Variants in TBC1D8B observed in about 807,000 individuals in gnomAD.
The protein encoded by TBC1D8B is TBC1 domain family member 8B.
In TBC1D8B, 75 loss-of-function variants were observed where a neutral mutation model predicts 82.9. That is an observed-to-expected ratio of 0.90 (90% CI 0.75 to 1.10). The LOEUF is 1.10. TBC1D8B is among the 50% of genes least tolerant of loss of function. The pLI is 0.00. For synonymous variants in TBC1D8B, 276 were observed against 276.8 expected (o/e 1.00, Z 0.03); for missense variants, 794 against 796.9 (o/e 1.00, Z 0.04).
chrX:106,830,946 A>G (rs1046566186), intron 7 of TBC1D8B, among the ~76,000 whole-genome samples: 7 of 104,013 alleles, frequency 6.7e-5, no homozygotes, highest in African/African-American at 1.1e-4. Flanking sequence ...AAAGTATAAT[A>G]ATAATAAATA....
At chrX:106,823,603 T>G (rs1454670093) in intron 5 of TBC1D8B, 137 bp downstream of exon 5, 1 of 649,501 alleles carries the variant, frequency 1.5e-6, no homozygotes, top group African/African-American at 2.2e-5. Context: ...GGTGTGTGTG[T>G]GTTTTGTGAG....
At chrX:106,819,076 T>G (rs1388143439) in intron 2 of TBC1D8B, among the ~76,000 whole-genome samples, 1 of 110,050 alleles carries the variant, frequency 9.1e-6, no homozygotes, top group Admixed American at 9.8e-5. Context: ...TTTATCCAAC[T>G]GCTGGGAAGA....
chrX:106,838,964 T>C (rs1417547659), intron 7 of TBC1D8B, among the ~76,000 whole-genome samples: 1 of 111,908 alleles, frequency 8.9e-6, no homozygotes, highest in African/African-American at 3.2e-5. Flanking sequence ...CACAGACTCT[T>C]CTGGTCTTAC....
At chrX:106,821,061 A>C (rs969668309) in intron 3 of TBC1D8B, 66 bp downstream of exon 3, 2 of 592,778 alleles carry the variant, frequency 3.4e-6, no homozygotes, top group African/African-American at 4.7e-5. Context: ...TATGAGGATC[A>C]AAGTTTGCAT....
intron 11 of TBC1D8B, chrX:106,849,536 G>A (rs1932542429): frequency 1.3e-5 from 13 of 965,513 alleles, no homozygotes; most frequent in Non-Finnish European, 1.7e-5. Flanking sequence ...TCATCAGAGG[G>A]ATCAGTGCTT....
chrX:106,834,662 C>A lies in TBC1D8B; in HGVS notation c.1204-4646C>A, dbSNP rs182755400. Among the ~76,000 whole-genome samples the A allele has an allele frequency of 4.5e-5, 5 of 112,256 alleles. 1 individual carries two copies. In the Admixed American group the frequency reaches 4.7e-4, roughly 11 times the overall value. ...AAGCAAGTTAGTTACTTCCTAGAGA[C>A]AATGGGGGTACAGGCATTGGATAAA... On this transcript the variant is annotated intron_variant, in intron 7 of 20. Coordinates refer to ENST00000357242, the MANE Select transcript of TBC1D8B (RefSeq NM_017752.3).
At chrX:106,838,310 T>A (rs1382802363) in intron 7 of TBC1D8B, among the ~76,000 whole-genome samples, 3 of 111,715 alleles carry the variant, frequency 2.7e-5, no homozygotes, top group Non-Finnish European at 5.7e-5. Flanking sequence ...CTGACTTCCT[T>A]GGATCACCCC....
At chrX:106,813,212 A>C (rs1412815126) in intron 1 of TBC1D8B, among the ~76,000 whole-genome samples, 1 of 111,914 alleles carries the variant, frequency 8.9e-6, no homozygotes, top group East Asian at 2.8e-4. Flanking sequence ...GGATGAAATG[A>C]TACAATGTCT....
intron 7 of TBC1D8B, among the ~76,000 whole-genome samples, chrX:106,835,850 A>G (rs1932164191): frequency 8.9e-6 from 1 of 111,835 alleles, no homozygotes. Flanking sequence ...CAACAAGTCT[A>G]TAGAAGTCCA....
At chrX:106,812,054 G>GA (rs1931394526) in intron 1 of TBC1D8B, among the ~76,000 whole-genome samples, 1 of 111,431 alleles carries the variant, frequency 9.0e-6, no homozygotes, top group African/African-American at 3.3e-5. Flanking sequence ...CAGGGAGAGA[G>GA]AAAACAGGAC....
chrX:106,859,650 GT>G (rs1217612676), intron 14 of TBC1D8B, among the ~76,000 whole-genome samples: 1 of 111,730 alleles, frequency 9.0e-6, no homozygotes, highest in Non-Finnish European at 1.9e-5. Flanking sequence ...AATAGAAATA[GT>G]TTGACTTCCT....
At chrX:106,853,695 A>C in intron 13 of TBC1D8B, 45 bp downstream of exon 13, 1 of 1,108,557 alleles carries the variant, frequency 9.0e-7, no homozygotes, top group Non-Finnish European at 1.2e-6. Flanking sequence ...CATATTTAAA[A>C]TGATTGAACT....
chrX:106,832,311 A>T (rs907854030), intron 7 of TBC1D8B, among the ~76,000 whole-genome samples: 3 of 111,798 alleles, frequency 2.7e-5, no homozygotes, highest in African/African-American at 9.7e-5. Flanking sequence ...ATATATTTAA[A>T]TGTTCCACAT....
intron 5 of TBC1D8B, among the ~76,000 whole-genome samples, chrX:106,824,841 TA>T (rs1931794178): frequency 8.9e-6 from 1 of 111,881 alleles, no homozygotes; most frequent in Admixed American, 9.5e-5. Flanking sequence ...GGCTTTTTTA[TA>T]AAATGGAATA....
At chrX:106,849,066 C>T (rs971288932) in intron 11 of TBC1D8B, among the ~76,000 whole-genome samples, 2 of 108,802 alleles carry the variant, frequency 1.8e-5, no homozygotes, top group African/African-American at 3.3e-5. Flanking sequence ...TGTGAGCCAC[C>T]GCGCCTGGCC....
intron 19 of TBC1D8B, among the ~76,000 whole-genome samples, chrX:106,870,451 C>A (rs1340273956): frequency 8.9e-6 from 1 of 111,885 alleles, no homozygotes; most frequent in Non-Finnish European, 1.9e-5. Flanking sequence ...TTGTTTTAAT[C>A]TAAATATGTC....
At chrX:106,837,246 G>A (rs1038650588) in intron 7 of TBC1D8B, among the ~76,000 whole-genome samples, 3 of 111,803 alleles carry the variant, frequency 2.7e-5, no homozygotes, top group African/African-American at 6.5e-5. Context: ...CATCAAGAAA[G>A]TGAAAAGACA....
At chrX:106,849,575 G>A in intron 11 of TBC1D8B, 1 of 918,843 alleles carries the variant, frequency 1.1e-6, no homozygotes, top group East Asian at 4.8e-5. Context: ...GTCTGAAAGT[G>A]TGACTCTCAT....
intron 1 of TBC1D8B, among the ~76,000 whole-genome samples, chrX:106,803,568 A>G (rs182648583): frequency 2.3e-4 from 26 of 111,292 alleles, no homozygotes; most frequent in African/African-American, 7.8e-4. Context: ...CCAATTTAGC[A>G]TCTTTTACTT....
Sources: allele counts gnomAD v4.1 joint callset (sites outside exome capture counted in the v4.1 genomes callset), GRCh38; gene constraint gnomAD v4.1.1; transcripts MANE v1.5; gene names NCBI Gene and HGNC (gene_info 2026-07-23, HGNC 2026-07-21).